The following NR5A1 variants were observed in gnomAD, a reference collection of about 807,000 sequenced individuals.
NR5A1 encodes the protein steroidogenic factor 1.
NR5A1 carries 6 observed loss-of-function variants against 42.7 expected under a neutral mutation model. The observed-to-expected ratio is 0.14, with a 90% CI of 0.08 to 0.28. The LOEUF is 0.28. NR5A1 is among the 10% of genes least tolerant of loss of function. The probability of loss-of-function intolerance (pLI) is 1.00; values close to 1 mark genes in which losing one functional copy is unlikely to be tolerated. For synonymous variants in NR5A1, 274 were observed against 277.5 expected (o/e 0.99, Z 0.12); for missense variants, 442 against 626.4 (o/e 0.71, Z 3.14).
chr9:124,498,148 C>G lies in NR5A1; in HGVS notation c.870+1942G>C, dbSNP rs1832413920. On this transcript the variant is annotated intron_variant, in intron 4 of 6. Transcript: ENST00000373588. This position sits in a 1 kb window ranked among gnomAD's most constrained non-coding sequence, Gnocchi z 4.6. Reference sequence around the variant, plus strand: ...TGGAGGTGGGGAAATGAATGATCAGCTAGAAGAGACGCCGGAGTCACCCAC... The same window carrying G: ...TGGAGGTGGGGAAATGAATGATCAGGTAGAAGAGACGCCGGAGTCACCCAC... Among the ~76,000 whole-genome samples, 1 of 152,136 alleles carries G rather than the reference C, an allele frequency of 6.6e-6. No homozygotes were observed. Among genetic ancestry groups the G allele is most frequent in the South Asian group, 2.1e-4 (1 of 4,824 alleles).
Position 124,491,145 on chromosome 9 carries a change from C to T in NR5A1, c.1074G>A (p.Leu358=). Residue 358 remains leucine (L), a synonymous_variant, in exon 6 of 7, where the codon CTG becomes CTA. Coordinates refer to ENST00000373588, the MANE Select transcript of NR5A1 (RefSeq NM_004959.5). Reference sequence around the variant, plus strand: ...CCTGCCGGTCCAGCTGCAGCGCAAGCAGCTGCAGCACCAGCTCCTGCGCCC... The same window carrying T: ...CCTGCCGGTCCAGCTGCAGCGCAAGTAGCTGCAGCACCAGCTCCTGCGCCC... ...VLRAQELVLQ[L]LALQLDRQEF... The T allele has an allele frequency of 6.2e-7, 1 of 1,608,792 alleles. No homozygotes were observed. The highest frequency in any genetic ancestry group is 8.5e-7 in the Non-Finnish European group (1 of 1,178,282).
intron 6 of NR5A1, among the ~76,000 whole-genome samples, chr9:124,486,097 G>T (rs778142160): frequency 6.6e-6 from 1 of 152,148 alleles, no homozygotes. Flanking sequence ...CAGGGACACC[G>T]AAGCGGGGGT....
In NR5A1 at chr9:124,500,902, G is replaced by T; in HGVS notation, c.245-187C>A. On this transcript the variant is annotated intron_variant, in intron 3 of 6. Transcript: ENST00000373588. The surrounding 1 kb of genome is among the most constrained non-coding windows in gnomAD (Gnocchi z 6.9). ...ATTCAAGGCCCTGCTCAGCTTTTCAGGCAATCCCTGCTAAGACCCCTCTCC... is the reference window on the plus strand; with the variant it reads ...ATTCAAGGCCCTGCTCAGCTTTTCATGCAATCCCTGCTAAGACCCCTCTCC... The T allele has an allele frequency of 1.1e-6, 1 of 896,872 alleles. No homozygotes were observed. The highest frequency in any genetic ancestry group is 1.8e-6 in the Non-Finnish European group (1 of 549,782). The allele number at this position is 896,872 out of a possible 1,614,324, so 55.6% of individuals were successfully genotyped here. A position where few individuals can be genotyped will look rare whatever the true frequency, so the allele number is the denominator to read the frequency against.
In NR5A1 at chr9:124,504,024, C is replaced by CAGACAGAGAG. The variant is rs368063610; in HGVS notation, c.-15-615_-15-614insCTCTCTGTCT. Reference sequence around the variant, plus strand: ...GGAGGGATGGAGAGAGACAGGGAGACAGAGAGAGAGAGAGAGAGAGAGAGA... The same window carrying CAGACAGAGAG: ...GGAGGGATGGAGAGAGACAGGGAGACAGACAGAGAGAGAGAGAGAGAGAGAGAGAGAGAGA... On this transcript the variant is annotated intron_variant, in intron 1 of 6. Transcript: ENST00000373588. 2.4e-3 allele frequency among the ~76,000 whole-genome samples: 258 copies of CAGACAGAGAG among 105,920 alleles called. 7 individuals carry two copies. Among genetic ancestry groups the CAGACAGAGAG allele is most frequent in the African/African-American group, 0.014 (244 of 16,948 alleles). The allele number at this position is 105,920 out of a possible 152,430, so 69.5% of individuals were successfully genotyped here.
intron 6 of NR5A1, 55 bp downstream of exon 6, chr9:124,491,025 TC>T: frequency 5.9e-6 from 2 of 340,712 alleles, no homozygotes; most frequent in Non-Finnish European, 1.0e-5. Flanking sequence ...TCACCCACCC[TC>T]CCACCCACCC....
chr9:124,491,049 C>T, intron 6 of NR5A1, 32 bp downstream of exon 6: 2 of 522,444 alleles, frequency 3.8e-6, no homozygotes, highest in African/African-American at 2.2e-5. Context: ...CTCTGGCTGT[C>T]TCCACCTCTC....
chr9:124,497,435 G>A (rs1588620544), intron 4 of NR5A1, among the ~76,000 whole-genome samples: 1 of 152,178 alleles, frequency 6.6e-6, no homozygotes. Context: ...TGGAGACGGA[G>A]GGACCCCCAT....
chr9:124,497,463 A>G (rs1049645135), intron 4 of NR5A1, among the ~76,000 whole-genome samples: 1 of 152,196 alleles, frequency 6.6e-6, no homozygotes, highest in South Asian at 2.1e-4. Flanking sequence ...GGGAAAGAAG[A>G]TGGGGGAGGA....
In NR5A1 at chr9:124,496,068, G is replaced by A. The variant is rs1008150844; in HGVS notation, c.871-2919C>T. ...GTTCTTACGTGGATGCTGCCCGGCC[G>A]GGATCCCACCTGCCCCTTGGCCAAG... is the stretch of plus-strand genomic sequence containing the variant. On this transcript the variant is annotated intron_variant, in intron 4 of 6. Coordinates refer to ENST00000373588, the MANE Select transcript of NR5A1 (RefSeq NM_004959.5). The surrounding 1 kb of genome is among the most constrained non-coding windows in gnomAD (Gnocchi z 5.0). Among the ~76,000 whole-genome samples the A allele has an allele frequency of 5.3e-5, 8 of 152,130 alleles. No homozygotes were observed. Among genetic ancestry groups the A allele is most frequent in the South Asian group, 2.1e-4 (1 of 4,832 alleles).
Position 124,483,204 on chromosome 9 carries a change from C to T in NR5A1, c.1139-199G>A, listed in dbSNP as rs1408373578. 2.0e-5 allele frequency among the ~76,000 whole-genome samples: 3 copies of T among 152,242 alleles called. No homozygotes were observed. In the East Asian group the frequency reaches 5.8e-4, roughly 29 times the overall value. The stretch of plus-strand genomic sequence containing the variant: ...CATTGCTGTCACCCTGGTTGACAAA[C>T]ACCACCATCGTCACCAATACCCACA... On this transcript the variant is annotated intron_variant, in intron 6 of 6. Coordinates refer to ENST00000373588, the MANE Select transcript of NR5A1 (RefSeq NM_004959.5).
chr9:124,483,617 C>A (rs750199825), intron 6 of NR5A1, among the ~76,000 whole-genome samples: 6 of 152,228 alleles, frequency 3.9e-5, no homozygotes, highest in Admixed American at 1.3e-4. Context: ...ATAACCAACA[C>A]CATCCCCCTG....
chr9:124,503,392 C>T lies in NR5A1; in HGVS notation c.4G>A (p.Asp2Asn), dbSNP rs772463943. 1.2e-6 allele frequency: 2 copies of T among 1,608,732 alleles called. No homozygotes were observed. Among genetic ancestry groups the T allele is most frequent in the Non-Finnish European group, 1.7e-6 (2 of 1,178,416 alleles). Residue 2 changes from aspartate to asparagine, a missense_variant, in exon 2 of 7, where the codon GAC becomes AAC. Coordinates refer to ENST00000373588, the MANE Select transcript of NR5A1 (RefSeq NM_004959.5). This position sits in a 1 kb window ranked among gnomAD's most constrained non-coding sequence, Gnocchi z 9.6. ...TCCAGGTCCTCGTCGTACGAATAGT[C>T]CATGCCCGCGGCGTCCGCCTGCGGA... is the stretch of plus-strand genomic sequence containing the variant. The part of the protein sequence containing the change: M[D>N]YSYDEDLDEL...
chr9:124,495,123 CT>C (rs1832371205), intron 4 of NR5A1, among the ~76,000 whole-genome samples: 1 of 152,208 alleles, frequency 6.6e-6, no homozygotes, highest in South Asian at 2.1e-4. Flanking sequence ...CACCTCACCT[CT>C]GGGTCCAGAG....
At chr9:124,506,302 G>A (rs1832559481) in intron 1 of NR5A1, among the ~76,000 whole-genome samples, 1 of 152,202 alleles carries the variant, frequency 6.6e-6, no homozygotes, top group Non-Finnish European at 1.5e-5. Context: ...GGGTACTGCG[G>A]TTTCCATGCA....
At chr9:124,494,009 G>A (rs1001058691) in intron 4 of NR5A1, among the ~76,000 whole-genome samples, 3 of 152,194 alleles carry the variant, frequency 2.0e-5, no homozygotes, top group South Asian at 2.1e-4. Context: ...CCAGGGCCAC[G>A]GCTGGCATTC....
At chr9:124,505,682 G>A (rs962136922) in intron 1 of NR5A1, among the ~76,000 whole-genome samples, 2 of 152,180 alleles carry the variant, frequency 1.3e-5, no homozygotes, top group Non-Finnish European at 2.9e-5. Flanking sequence ...ACAAATGTCC[G>A]AGGCCTGGGG....
At chr9:124,483,569 A>T (rs1386950666) in intron 6 of NR5A1, among the ~76,000 whole-genome samples, 2 of 152,116 alleles carry the variant, frequency 1.3e-5, no homozygotes, top group Non-Finnish European at 2.9e-5. Flanking sequence ...TCACAATGGG[A>T]GCTGCTCTCA....
intron 4 of NR5A1, among the ~76,000 whole-genome samples, chr9:124,494,269 G>A (rs752199851): frequency 1.2e-4 from 18 of 152,244 alleles, no homozygotes; most frequent in Middle Eastern, 3.4e-3. Context: ...TCGTATAGTC[G>A]CCACCCACAT....
At chr9:124,489,457 C>T (rs1438600449) in intron 6 of NR5A1, among the ~76,000 whole-genome samples, 1 of 152,242 alleles carries the variant, frequency 6.6e-6, no homozygotes, top group Admixed American at 6.5e-5. Context: ...ACTTCAGAAA[C>T]CACAAGCGTA....
Sources: allele counts gnomAD v4.1 joint callset (sites outside exome capture counted in the v4.1 genomes callset), GRCh38; gene constraint gnomAD v4.1.1; non-coding constraint Gnocchi (gnomAD v3.1); transcripts MANE v1.5; gene names NCBI Gene and HGNC (gene_info 2026-07-23, HGNC 2026-07-21).